CDH12: variants seen among roughly 807,000 people sequenced by gnomAD.
CDH12 encodes cadherin-12.
In CDH12, 41 loss-of-function variants were observed where a neutral mutation model predicts 74.1. The ratio of observed to expected loss-of-function variants is 0.55; its 90% confidence interval spans 0.43 to 0.72. The LOEUF (loss-of-function observed/expected upper bound fraction) is 0.72. Among genes scored for constraint, CDH12 ranks in the 30% least tolerant of loss-of-function variants. CDH12 has a pLI of 0.00. For missense variants in CDH12, 945 were observed against 977.2 expected (o/e 0.97, Z 0.44); for synonymous variants, 399 against 355.0 (o/e 1.12, Z -1.39).
At chr5:22,194,941 T>G (rs544927768) in intron 4 of CDH12, among the ~76,000 whole-genome samples, 1 of 152,028 alleles carries the variant, frequency 6.6e-6, no homozygotes, top group Non-Finnish European at 1.5e-5. Flanking sequence ...CTTGGGAGTT[T>G]CACAAATAGC....
chr5:21,987,913 T>A (rs969366452), intron 5 of CDH12, among the ~76,000 whole-genome samples: 1 of 151,364 alleles, frequency 6.6e-6, no homozygotes, highest in African/African-American at 2.4e-5. Flanking sequence ...CTTGTAATCA[T>A]CAGAAAGGGA....
At chr5:21,839,736 A>G (rs1404238839) in intron 8 of CDH12, among the ~76,000 whole-genome samples, 1 of 152,174 alleles carries the variant, frequency 6.6e-6, no homozygotes, top group East Asian at 1.9e-4. Flanking sequence ...GAGTGGAAAG[A>G]GAAAAAACTG....
intron 4 of CDH12, among the ~76,000 whole-genome samples, chr5:22,079,734 T>C (rs1742589551): frequency 6.6e-6 from 1 of 152,164 alleles, no homozygotes; most frequent in East Asian, 1.9e-4. Flanking sequence ...CTTTTTCTTA[T>C]AACAAGCGTT....
intron 4 of CDH12, among the ~76,000 whole-genome samples, chr5:22,118,073 A>G (rs913722068): frequency 5.3e-5 from 8 of 152,100 alleles, no homozygotes; most frequent in African/African-American, 1.9e-4. Context: ...TCCTACAATT[A>G]CCTCTATTCT....
intron 6 of CDH12, among the ~76,000 whole-genome samples, chr5:21,961,911 G>C (rs1756379501): frequency 1.3e-5 from 2 of 152,046 alleles, no homozygotes; most frequent in African/African-American, 2.4e-5. Flanking sequence ...TGTCAGTGTT[G>C]TTAAATCTAC....
intron 6 of CDH12, among the ~76,000 whole-genome samples, chr5:21,916,335 A>T (rs1270388676): frequency 6.6e-6 from 1 of 152,110 alleles, no homozygotes; most frequent in Non-Finnish European, 1.5e-5. Flanking sequence ...AATGAGTTGG[A>T]CTCAGAAAGG....
At chr5:22,478,446 T>C (rs867062517) in intron 2 of CDH12, among the ~76,000 whole-genome samples, 57 of 124,168 alleles carry the variant, frequency 4.6e-4, no homozygotes, top group Middle Eastern at 4.4e-3. Flanking sequence ...AAGAAAGAAA[T>C]AATTTTCAGT....
At chr5:22,111,258 T>G (rs1407315299) in intron 4 of CDH12, among the ~76,000 whole-genome samples, 1 of 152,138 alleles carries the variant, frequency 6.6e-6, no homozygotes, top group South Asian at 2.1e-4. Flanking sequence ...TATTTATTTG[T>G]CAACTGATTC....
At chr5:22,637,453 G>C (rs928461148) in intron 1 of CDH12, among the ~76,000 whole-genome samples, 4 of 152,146 alleles carry the variant, frequency 2.6e-5, no homozygotes, top group Admixed American at 6.5e-5. Context: ...AAGGAGAAAA[G>C]GAAAAAGAAA....
intron 3 of CDH12, among the ~76,000 whole-genome samples, chr5:22,245,584 C>T (rs1465601743): frequency 6.6e-6 from 1 of 151,610 alleles, no homozygotes; most frequent in Non-Finnish European, 1.5e-5. Flanking sequence ...AAAATTAATA[C>T]CTTGAATGTA....
chr5:22,734,083 T>A (rs1050430460), intron 1 of CDH12, among the ~76,000 whole-genome samples: 3 of 152,012 alleles, frequency 2.0e-5, no homozygotes, highest in Non-Finnish European at 2.9e-5. Context: ...GGAAAGTTTT[T>A]AAAATACATT....
intron 2 of CDH12, among the ~76,000 whole-genome samples, chr5:22,476,116 C>T (rs540075456): frequency 6.6e-6 from 1 of 152,138 alleles, no homozygotes; most frequent in African/African-American, 2.4e-5. Flanking sequence ...ATGATGTTGA[C>T]ATTTTATGTA....
intron 1 of CDH12, among the ~76,000 whole-genome samples, chr5:22,505,718 C>T (rs893650565): frequency 2.6e-5 from 4 of 152,034 alleles, no homozygotes; most frequent in African/African-American, 7.2e-5. Context: ...GTCATTATGT[C>T]CCCTTGGCCT....
intron 3 of CDH12, among the ~76,000 whole-genome samples, chr5:22,265,694 T>A (rs529682407): frequency 1.3e-4 from 20 of 152,278 alleles, no homozygotes; most frequent in Admixed American, 9.2e-4. Context: ...GGGAAAATAG[T>A]ACTGAAGTAG....
At chr5:21,850,099 A>G (rs1440202018) in intron 7 of CDH12, among the ~76,000 whole-genome samples, 1 of 151,722 alleles carries the variant, frequency 6.6e-6, no homozygotes, top group African/African-American at 2.4e-5. Context: ...ATCTAAAAAA[A>G]GAGGTAACAC....
chr5:21,914,347 T>C (rs1160658473), intron 6 of CDH12, among the ~76,000 whole-genome samples: 1 of 152,160 alleles, frequency 6.6e-6, no homozygotes, highest in Non-Finnish European at 1.5e-5. Flanking sequence ...GAATAATAGA[T>C]GATTTAACTG....
At chr5:21,843,518 C>CTT (rs5866528) in intron 7 of CDH12, among the ~76,000 whole-genome samples, 59,139 of 144,922 alleles carry the variant, frequency 0.41, 14,231 homozygotes, top group African/African-American at 0.68. Flanking sequence ...TGTACTGACA[C>CTT]TTTTTTTTTT....
At chr5:22,291,775 C>G (rs1212138755) in intron 3 of CDH12, among the ~76,000 whole-genome samples, 1 of 152,108 alleles carries the variant, frequency 6.6e-6, no homozygotes, top group Non-Finnish European at 1.5e-5. Context: ...TGCCTGTACT[C>G]TCCAAAGTGA....
At chr5:22,262,648 G>T (rs1053348568) in intron 3 of CDH12, among the ~76,000 whole-genome samples, 1 of 150,948 alleles carries the variant, frequency 6.6e-6, no homozygotes, top group Non-Finnish European at 1.5e-5. Context: ...GGATGGCTGG[G>T]TCAAATGGTA....
Sources: gnomAD v4.1 joint callset for allele counts (sites outside exome capture counted in the v4.1 genomes callset) on GRCh38, gnomAD v4.1.1 for gene constraint, MANE v1.5 for transcripts, NCBI Gene and HGNC (gene_info 2026-07-23, HGNC 2026-07-21) for gene names.